Variants in ADTRP observed in about 807,000 individuals in gnomAD.
ADTRP encodes androgen-dependent TFPI-regulating protein.
Under a neutral mutation model 27.0 loss-of-function variants are expected in ADTRP, and 20 were observed. The ratio of observed to expected loss-of-function variants is 0.74; its 90% confidence interval spans 0.52 to 1.08. The LOEUF (loss-of-function observed/expected upper bound fraction) is 1.08. Ranked by LOEUF, ADTRP falls within the 50% of genes least tolerant of loss-of-function variation. The pLI is 0.00. For synonymous variants in ADTRP, 101 were observed against 105.2 expected (o/e 0.96, Z 0.25); for missense variants, 251 against 275.0 (o/e 0.91, Z 0.62).
At chr6:11,727,911 GAAGAAGGAAGGAAGGAAGGAAGGA>G (rs1762263103) in intron 4 of ADTRP, among the ~76,000 whole-genome samples, 1 of 106,886 alleles carries the variant, frequency 9.4e-6, no homozygotes. Flanking sequence ...AGAGGGGAAA[GAAGAAGGAAGGAAGGAAGGAAGGA>G]CGGAAAGAAG....
intron 1 of ADTRP, among the ~76,000 whole-genome samples, chr6:11,772,972 A>G (rs1195278204): frequency 1.3e-5 from 2 of 152,234 alleles, no homozygotes; most frequent in East Asian, 3.8e-4. Context: ...TGCTTGGCCA[A>G]TGTCGCATAG....
chr6:11,742,210 C>T (rs1042541170), intron 3 of ADTRP, among the ~76,000 whole-genome samples: 5 of 152,166 alleles, frequency 3.3e-5, no homozygotes, highest in African/African-American at 1.2e-4. Flanking sequence ...TATACACCTT[C>T]CCTCATCTCA....
intron 3 of ADTRP, among the ~76,000 whole-genome samples, chr6:11,742,760 G>A (rs532379980): frequency 6.6e-6 from 1 of 152,316 alleles, no homozygotes; most frequent in African/African-American, 2.4e-5. Flanking sequence ...AAGTGAAGGA[G>A]ATGCTGCCAG....
intron 5 of ADTRP, among the ~76,000 whole-genome samples, chr6:11,715,205 A>G (rs529159839): frequency 2.8e-4 from 42 of 150,580 alleles, no homozygotes; most frequent in African/African-American, 8.7e-4. Flanking sequence ...CTTCTCCTCC[A>G]TTCCAGAACT....
intron 5 of ADTRP, among the ~76,000 whole-genome samples, chr6:11,717,714 A>G (rs538857656): frequency 6.6e-6 from 1 of 152,356 alleles, no homozygotes; most frequent in East Asian, 1.9e-4. Flanking sequence ...TTCACACTGC[A>G]GAAGTCCAGG....
intron 3 of ADTRP, among the ~76,000 whole-genome samples, chr6:11,741,191 C>T (rs908660106): frequency 1.3e-5 from 2 of 152,130 alleles, no homozygotes; most frequent in African/African-American, 4.8e-5. Context: ...AGCCTGCAAA[C>T]GCAAGTTATA....
rs55815652 is a variant in ADTRP at position 11,715,648 on chromosome 6, C to CTTT, written c.659-1139_659-1137dup. On this transcript the variant is annotated intron_variant, in intron 5 of 5. Transcript: ENST00000414691. ...CTACTTCTTTCTCTTCTGTTTTTCC[C>CTTT]TTTTTTTTTTTTTTTTTTTTTTGAG... Among the ~76,000 whole-genome samples, 50 of 121,136 alleles carry CTTT rather than the reference C, an allele frequency of 4.1e-4. 2 individuals are homozygous for CTTT. Among genetic ancestry groups the CTTT allele is most frequent in the African/African-American group, 1.6e-3 (46 of 29,010 alleles). 79.5% of individuals were successfully genotyped at this position (121,136 alleles called of 152,430 possible).
At chr6:11,775,000 T>C (rs1238322987) in intron 1 of ADTRP, among the ~76,000 whole-genome samples, 1 of 152,168 alleles carries the variant, frequency 6.6e-6, no homozygotes, top group East Asian at 1.9e-4. Flanking sequence ...GGCTGTCTGC[T>C]GGAGCCTGCA....
intron 3 of ADTRP, among the ~76,000 whole-genome samples, chr6:11,751,691 G>A (rs966513335): frequency 6.6e-6 from 1 of 152,176 alleles, no homozygotes; most frequent in African/African-American, 2.4e-5. Flanking sequence ...TCCGTTCTGA[G>A]ATCCTATTTC....
At chr6:11,748,654 C>T (rs1228653005) in intron 3 of ADTRP, among the ~76,000 whole-genome samples, 2 of 152,248 alleles carry the variant, frequency 1.3e-5, no homozygotes, top group African/African-American at 4.8e-5. Context: ...GAGGCACGTA[C>T]TTCATGGAAG....
chr6:11,723,343 A>G lies in ADTRP; in HGVS notation c.658+6T>C. The G allele has an allele frequency of 6.2e-7, 1 of 1,614,016 alleles. No individual in the cohort carries two copies. Reference sequence around the variant, plus strand: ...GCATCTGTAGCTAAGAAAGAAATACACTGACCCCATTTCCAGTGGTTGAGC... The same window carrying G: ...GCATCTGTAGCTAAGAAAGAAATACGCTGACCCCATTTCCAGTGGTTGAGC... On this transcript the variant is annotated splice_donor_region_variant and intron_variant, in intron 5 of 5. Coordinates refer to ENST00000414691, the MANE Select transcript of ADTRP (RefSeq NM_032744.4).
chr6:11,773,506 G>A (rs1397995240), intron 1 of ADTRP, among the ~76,000 whole-genome samples: 1 of 152,208 alleles, frequency 6.6e-6, no homozygotes. Flanking sequence ...TGCAGCATTT[G>A]CACCCCATAT....
intron 1 of ADTRP, among the ~76,000 whole-genome samples, chr6:11,777,269 T>C: frequency 6.7e-6 from 1 of 149,626 alleles, no homozygotes; most frequent in East Asian, 1.9e-4. Context: ...TGTGTGTGTA[T>C]ACAAAGAGGT....
intron 3 of ADTRP, among the ~76,000 whole-genome samples, chr6:11,750,833 A>G (rs1410558563): frequency 2.0e-5 from 3 of 152,178 alleles, no homozygotes; most frequent in Non-Finnish European, 4.4e-5. Context: ...GATCCTCCCC[A>G]ATCTATGTTA....
chr6:11,727,017 ATAT>A (rs753985071), intron 4 of ADTRP, among the ~76,000 whole-genome samples: 5 of 152,040 alleles, frequency 3.3e-5, no homozygotes, highest in African/African-American at 4.8e-5. Context: ...ATTGTTACTA[ATAT>A]TAGAATTCTT....
At chr6:11,778,515 T>C (rs1764032453) in intron 1 of ADTRP, 92 bp downstream of exon 1, 1 of 1,425,978 alleles carries the variant, frequency 7.0e-7, no homozygotes, top group Non-Finnish European at 9.4e-7. Flanking sequence ...ATAACAAAAT[T>C]GTGTATTTAA....
intron 3 of ADTRP, among the ~76,000 whole-genome samples, chr6:11,744,176 T>G (rs1762797746): frequency 6.6e-6 from 1 of 152,150 alleles, no homozygotes; most frequent in Non-Finnish European, 1.5e-5. Context: ...CTTGCCTCTC[T>G]TCTTCTCTTT....
intron 5 of ADTRP, among the ~76,000 whole-genome samples, chr6:11,720,555 T>C (rs1480672156): frequency 6.6e-6 from 1 of 151,488 alleles, no homozygotes; most frequent in East Asian, 1.9e-4. Context: ...CACTGCAAGC[T>C]CCGCCTCCTG....
intron 3 of ADTRP, among the ~76,000 whole-genome samples, chr6:11,745,627 C>T (rs1762842692): frequency 6.6e-6 from 1 of 152,186 alleles, no homozygotes; most frequent in Non-Finnish European, 1.5e-5. Flanking sequence ...CAAGGATTTC[C>T]CTTCAACAGC....
Sources: gnomAD v4.1 joint callset for allele counts (sites outside exome capture counted in the v4.1 genomes callset) on GRCh38, gnomAD v4.1.1 for gene constraint, MANE v1.5 for transcripts, NCBI Gene and HGNC (gene_info 2026-07-23, HGNC 2026-07-21) for gene names.